IQGAP2: variants seen among roughly 807,000 people sequenced by gnomAD.
IQGAP2 encodes the protein IQ motif containing GTPase activating protein 2.
In IQGAP2, 173 loss-of-function variants were observed where a neutral mutation model predicts 201.3. That is an observed-to-expected ratio of 0.86 (90% confidence interval 0.76 to 0.98). The LOEUF is 0.98. Ranked by LOEUF, IQGAP2 falls within the 50% of genes least tolerant of loss-of-function variation. IQGAP2 has a pLI of 0.00. For missense variants in IQGAP2, 1,687 were observed against 1,864.8 expected (o/e 0.90, Z 1.76); for synonymous variants, 675 against 673.9 (o/e 1.00, Z -0.03).
chr5:76,654,953 T>C lies in IQGAP2; in HGVS notation c.2270T>C (p.Ile757Thr), dbSNP rs1451974914. Residue 757 changes from isoleucine to threonine, a missense_variant, in exon 20 of 36, where the codon ATA (isoleucine) becomes ACA (threonine). By Grantham distance (89) the Ile-to-Thr change is moderately conservative. Transcript: ENST00000274364. ...FRDHNNEIVKIQSLLRANKAR... is the reference protein window; with the variant it reads ...FRDHNNEIVKTQSLLRANKAR... ...TTGCAGAATAATGAAATTGTGAAAATACAGTCACTGTTGAGAGCGAACAAA... is the reference window on the plus strand; with the variant it reads ...TTGCAGAATAATGAAATTGTGAAAACACAGTCACTGTTGAGAGCGAACAAA... 1.2e-6 allele frequency: 2 copies of C among 1,612,162 alleles called. No homozygotes were observed. Among genetic ancestry groups the C allele is most frequent in the Non-Finnish European group, 1.7e-6 (2 of 1,178,370 alleles).
chr5:76,617,716 T>A (rs1180383193), intron 13 of IQGAP2: 2 of 1,613,962 alleles, frequency 1.2e-6, no homozygotes, highest in African/African-American at 2.7e-5. Flanking sequence ...TCAGTGTTGT[T>A]GTAGTAGTAG....
intron 2 of IQGAP2, among the ~76,000 whole-genome samples, chr5:76,487,283 G>A (rs1001300326): frequency 7.9e-5 from 12 of 151,866 alleles, no homozygotes; most frequent in African/African-American, 1.5e-4. Context: ...ATTTTTAGTC[G>A]AGACAGGGTT....
chr5:76,604,304 G>T (rs2150328145), intron 11 of IQGAP2, among the ~76,000 whole-genome samples: 1 of 130,030 alleles, frequency 7.7e-6, no homozygotes, highest in South Asian at 3.0e-4. Flanking sequence ...CAAAGGACAT[G>T]AACTCATCCT....
At chr5:76,632,960 T>C (rs189202331) in intron 15 of IQGAP2, among the ~76,000 whole-genome samples, 11 of 152,316 alleles carry the variant, frequency 7.2e-5, no homozygotes, top group Non-Finnish European at 1.3e-4. Flanking sequence ...CTCTCTTACT[T>C]GGCATCTGGT....
At chr5:76,633,419 TG>T (rs1180931225) in intron 15 of IQGAP2, among the ~76,000 whole-genome samples, 3 of 152,234 alleles carry the variant, frequency 2.0e-5, no homozygotes, top group Non-Finnish European at 4.4e-5. Flanking sequence ...GGCTTGCATT[TG>T]TTTCATTAAA....
At chr5:76,495,186 G>C (rs189643904) in intron 2 of IQGAP2, among the ~76,000 whole-genome samples, 1 of 152,194 alleles carries the variant, frequency 6.6e-6, no homozygotes, top group Non-Finnish European at 1.5e-5. Context: ...AATATCCTCA[G>C]GGTGAGTACA....
chr5:76,502,587 T>C (rs1757339577), intron 2 of IQGAP2, among the ~76,000 whole-genome samples: 2 of 152,348 alleles, frequency 1.3e-5, no homozygotes, highest in South Asian at 4.1e-4. Flanking sequence ...AGTGCTGTCA[T>C]TGGTTTTAGT....
At chr5:76,555,800 C>T (rs1743901234) in intron 2 of IQGAP2, among the ~76,000 whole-genome samples, 1 of 152,156 alleles carries the variant, frequency 6.6e-6, no homozygotes, top group Non-Finnish European at 1.5e-5. Context: ...CTTCTCCAGC[C>T]AGCAGATGGG....
intron 35 of IQGAP2, among the ~76,000 whole-genome samples, chr5:76,702,846 C>G (rs1421533523): frequency 6.6e-6 from 1 of 152,142 alleles, no homozygotes; most frequent in African/African-American, 2.4e-5. Flanking sequence ...AAAGCTTAGA[C>G]AAAAGAATAT....
At position 76,673,307 on chromosome 5, in the gene IQGAP2, C is replaced by T. The variant is rs1430629135; in HGVS notation, c.3069-142C>T. 3 of 753,240 alleles carry T rather than the reference C, an allele frequency of 4.0e-6. No individual in the cohort carries two copies. In the Admixed American group the frequency reaches 9.3e-5, roughly 23 times the overall value. 46.7% of individuals were successfully genotyped at this position (753,240 alleles called of 1,614,324 possible). ...TACCCTCTGTGAAGGTGGAGCCTCC[C>T]CTCATTTAGTAAACATTTTGTTACT... On this transcript the variant is annotated intron_variant, in intron 24 of 35. Transcript: ENST00000274364.
At chr5:76,632,350 T>C (rs1429726917) in intron 15 of IQGAP2, among the ~76,000 whole-genome samples, 6 of 152,160 alleles carry the variant, frequency 3.9e-5, no homozygotes, top group Non-Finnish European at 5.9e-5. Context: ...ACTAATATTT[T>C]CTCTCACCTA....
At chr5:76,639,371 T>C (rs541843855) in intron 16 of IQGAP2, among the ~76,000 whole-genome samples, 1 of 152,360 alleles carries the variant, frequency 6.6e-6, no homozygotes, top group East Asian at 1.9e-4. Context: ...GGTTATATCA[T>C]GTGCCCATTG....
chr5:76,628,069 A>G (rs1423557854), intron 14 of IQGAP2, among the ~76,000 whole-genome samples: 1 of 152,214 alleles, frequency 6.6e-6, no homozygotes, highest in Non-Finnish European at 1.5e-5. Context: ...ACAAACCCAG[A>G]ACCCCTCAAA....
At chr5:76,488,704 G>C (rs927248537) in intron 2 of IQGAP2, among the ~76,000 whole-genome samples, 1 of 152,174 alleles carries the variant, frequency 6.6e-6, no homozygotes, top group African/African-American at 2.4e-5. Context: ...GGTACGTGTT[G>C]CCTCAAGGAG....
At chr5:76,556,669 T>TA (rs1178078951) in intron 2 of IQGAP2, among the ~76,000 whole-genome samples, 1 of 152,210 alleles carries the variant, frequency 6.6e-6, no homozygotes, top group South Asian at 2.1e-4. Context: ...GGGATTTTAA[T>TA]ACCTTTAGAG....
At chr5:76,696,628 C>T (rs375941432) in intron 32 of IQGAP2, among the ~76,000 whole-genome samples, 15 of 152,042 alleles carry the variant, frequency 9.9e-5, no homozygotes, top group Middle Eastern at 3.4e-3. Context: ...ATGCGCTCAG[C>T]TTTGTTCTTT....
intron 5 of IQGAP2, among the ~76,000 whole-genome samples, chr5:76,588,034 G>A (rs1048143910): frequency 3.3e-5 from 5 of 151,208 alleles, no homozygotes; most frequent in African/African-American, 1.2e-4. Flanking sequence ...CATTTTAAGA[G>A]TTTGTTTTAA....
At chr5:76,468,534 C>T (rs1580258752) in intron 2 of IQGAP2, among the ~76,000 whole-genome samples, 1 of 152,186 alleles carries the variant, frequency 6.6e-6, no homozygotes, top group Non-Finnish European at 1.5e-5. Flanking sequence ...ACTGCTAGCC[C>T]GCCAAAGGAT....
intron 17 of IQGAP2, among the ~76,000 whole-genome samples, chr5:76,648,366 T>C (rs796654309): frequency 4.6e-5 from 7 of 152,322 alleles, no homozygotes; most frequent in African/African-American, 1.7e-4. Flanking sequence ...CCCCCACTTT[T>C]TCCTTGCCAA....
Sources: gnomAD v4.1 joint callset for allele counts (sites outside exome capture counted in the v4.1 genomes callset) on GRCh38, gnomAD v4.1.1 for gene constraint, MANE v1.5 for transcripts, NCBI Gene and HGNC (gene_info 2026-07-23, HGNC 2026-07-21) for gene names.